The following ZEB1 variants were observed in gnomAD, a reference collection of about 807,000 sequenced individuals.
The protein encoded by ZEB1 is zinc finger E-box binding homeobox 1.
A neutral mutation model predicts 84.9 loss-of-function variants in ZEB1; 21 were observed. That is an observed-to-expected ratio of 0.25 (90% CI 0.18 to 0.36). ZEB1 has a LOEUF of 0.36. Ranked by LOEUF, ZEB1 falls within the 10% of genes least tolerant of loss-of-function variation. ZEB1 has a pLI of 1.00. For missense variants in ZEB1, 1,104 were observed against 1,330.2 expected, an observed-to-expected ratio of 0.83 and a Z score of 2.65; for synonymous variants, 420 against 471.1, an observed-to-expected ratio of 0.89 and a Z score of 1.41.
chr10:31,523,329 AAGAT>A (rs2072766785), intron 7 of ZEB1, among the ~76,000 whole-genome samples: 1 of 152,184 alleles, frequency 6.6e-6, no homozygotes, highest in South Asian at 2.1e-4. Flanking sequence ...TTCTGTTAAA[AAGAT>A]AGACCCTCCT....
At chr10:31,432,455 A>G (rs12241500) in intron 1 of ZEB1, among the ~76,000 whole-genome samples, 2,152 of 152,108 alleles carry the variant, frequency 0.014, 48 homozygotes, top group African/African-American at 0.049. Flanking sequence ...CAGGTGTGGT[A>G]CTGTGTGCCT....
chr10:31,437,066 T>G (rs1204309518), intron 1 of ZEB1, among the ~76,000 whole-genome samples: 1 of 152,178 alleles, frequency 6.6e-6, no homozygotes, highest in Non-Finnish European at 1.5e-5. Flanking sequence ...AGTTCAAATT[T>G]ATTTAACTTC....
intron 4 of ZEB1, among the ~76,000 whole-genome samples, chr10:31,508,811 T>C (rs1354613252): frequency 1.3e-5 from 2 of 151,928 alleles, no homozygotes; most frequent in Non-Finnish European, 2.9e-5. Flanking sequence ...GGGAGGGAGC[T>C]GGGAAATGTG....
At chr10:31,375,043 T>TCACACA (rs1554828391) in intron 1 of ZEB1, 2 of 43,582 alleles carry the variant, frequency 4.6e-5, no homozygotes, top group Non-Finnish European at 1.1e-4. Flanking sequence ...TTTATGTTTT[T>TCACACA]CATACACACA....
chr10:31,479,507 T>C (rs1565053286), intron 2 of ZEB1, among the ~76,000 whole-genome samples: 1 of 151,812 alleles, frequency 6.6e-6, no homozygotes, highest in Non-Finnish European at 1.5e-5. Context: ...AACAAGATAA[T>C]AGCAAATTGA....
intron 2 of ZEB1, among the ~76,000 whole-genome samples, chr10:31,462,810 G>A (rs903795911): frequency 6.6e-6 from 1 of 151,914 alleles, no homozygotes; most frequent in Non-Finnish European, 1.5e-5. Flanking sequence ...AGGGAGGGAG[G>A]CTGAGGTAGT....
chr10:31,446,099 T>A (rs1422170764), intron 1 of ZEB1, among the ~76,000 whole-genome samples: 13 of 150,584 alleles, frequency 8.6e-5, no homozygotes, highest in Non-Finnish European at 1.6e-4. Context: ...TCAGATCCTG[T>A]TATTGGTCTA....
intron 1 of ZEB1, among the ~76,000 whole-genome samples, chr10:31,390,055 G>A (rs2049355559): frequency 6.6e-6 from 1 of 152,002 alleles, no homozygotes; most frequent in Admixed American, 6.6e-5. Flanking sequence ...TCCAAATTTA[G>A]CAGAAGGAAA....
intron 2 of ZEB1, among the ~76,000 whole-genome samples, chr10:31,494,043 T>TCAA (rs2066902894): frequency 2.6e-5 from 4 of 152,062 alleles, no homozygotes; most frequent in African/African-American, 9.7e-5. Flanking sequence ...TACGAGGTAG[T>TCAA]AACTCTGGCT....
chr10:31,347,444 C>A (rs2040507008), intron 1 of ZEB1, among the ~76,000 whole-genome samples: 1 of 152,118 alleles, frequency 6.6e-6, no homozygotes, highest in South Asian at 2.1e-4. Flanking sequence ...CTCCTGGGTT[C>A]AAGTGATCCT....
intron 1 of ZEB1, among the ~76,000 whole-genome samples, chr10:31,448,764 G>A (rs560521380): frequency 0.077 from 11,780 of 152,004 alleles, 644 homozygotes; most frequent in African/African-American, 0.16. Flanking sequence ...GAGGCAGTCT[G>A]CCCATTCTCA....
intron 1 of ZEB1, chr10:31,355,064 C>T (rs1471413856): frequency 6.6e-6 from 1 of 151,976 alleles, no homozygotes; most frequent in Non-Finnish European, 1.5e-5. Flanking sequence ...GGTAAGACTC[C>T]TATTGATTTG....
chr10:31,451,301 A>G (rs1333223608), intron 1 of ZEB1, among the ~76,000 whole-genome samples: 1 of 152,182 alleles, frequency 6.6e-6, no homozygotes, highest in Non-Finnish European at 1.5e-5. Flanking sequence ...TTGCATTTTA[A>G]TATTGAACAT....
chr10:31,378,131 C>T (rs1053205898), intron 1 of ZEB1, among the ~76,000 whole-genome samples: 4 of 150,898 alleles, frequency 2.7e-5, no homozygotes, highest in African/African-American at 9.7e-5. Context: ...TATGTATACT[C>T]ACGTCTGCTT....
intron 1 of ZEB1, among the ~76,000 whole-genome samples, chr10:31,393,109 A>G (rs914766770): frequency 2.0e-5 from 3 of 152,204 alleles, no homozygotes; most frequent in Admixed American, 6.6e-5. Context: ...AAGAGCTGGG[A>G]CTATCAGGCA....
At chr10:31,386,870 T>C (rs2048725352) in intron 1 of ZEB1, among the ~76,000 whole-genome samples, 1 of 152,216 alleles carries the variant, frequency 6.6e-6, no homozygotes, top group African/African-American at 2.4e-5. Context: ...TCTGTATTTT[T>C]TCAACTTCTC....
rs117047238 is a variant in ZEB1 at position 31,342,294 on chromosome 10, A to C, written c.58+23002A>C. 5.9e-5 allele frequency among the ~76,000 whole-genome samples: 9 copies of C among 152,312 alleles called. No homozygotes were observed. The East Asian group carries it at 1.7e-3, about 29-fold the overall frequency. On this transcript the variant is annotated intron_variant, in intron 1 of 8. Coordinates refer to ENST00000424869, the MANE Select transcript of ZEB1 (RefSeq NM_001174096.2). The stretch of plus-strand genomic sequence containing the variant: ...TAAGTAACTTACATTCACAATTTTT[A>C]GTGGTAGAGCCAGTAGGAAAGGAAT...
chr10:31,408,443 C>A (rs1252665547), intron 1 of ZEB1, among the ~76,000 whole-genome samples: 1 of 151,756 alleles, frequency 6.6e-6, no homozygotes, highest in African/African-American at 2.4e-5. Flanking sequence ...CCAAGTCAAT[C>A]CTGAGCCAAA....
chr10:31,337,629 T>G (rs2038406047), intron 1 of ZEB1, among the ~76,000 whole-genome samples: 1 of 151,900 alleles, frequency 6.6e-6, no homozygotes, highest in Admixed American at 6.6e-5. Context: ...ATCTTTAGTA[T>G]TTTATACTAT....
Sources: gnomAD v4.1 joint callset for allele counts (sites outside exome capture counted in the v4.1 genomes callset) on GRCh38, gnomAD v4.1.1 for gene constraint, MANE v1.5 for transcripts, NCBI Gene and HGNC (gene_info 2026-07-23, HGNC 2026-07-21) for gene names.